CYP27A1: variants seen among roughly 807,000 people sequenced by gnomAD.
CYP27A1 encodes the protein cytochrome P450 family 27 subfamily A member 1.
A neutral mutation model predicts 58.2 loss-of-function variants in CYP27A1; 46 were observed. The ratio of observed to expected loss-of-function variants is 0.79; its 90% CI spans 0.62 to 1.01. The LOEUF (loss-of-function observed/expected upper bound fraction) is 1.01. CYP27A1 is among the 50% of genes least tolerant of loss of function. The pLI is 0.00. For synonymous variants in CYP27A1, 274 were observed against 285.1 expected (o/e 0.96, Z 0.39); for missense variants, 704 against 687.0 (o/e 1.02, Z -0.28).
intron 1 of CYP27A1, among the ~76,000 whole-genome samples, chr2:218,799,091 C>A (rs1461120279): frequency 6.6e-6 from 1 of 152,178 alleles, no homozygotes; most frequent in African/African-American, 2.4e-5. Context: ...GAATTTCCAG[C>A]CTGCCAGCCT....
chr2:218,785,968 C>G (rs1473963388), intron 1 of CYP27A1, among the ~76,000 whole-genome samples: 1 of 152,112 alleles, frequency 6.6e-6, no homozygotes, highest in African/African-American at 2.4e-5. Flanking sequence ...TGTATTTATT[C>G]TAGAGATTCA....
intron 1 of CYP27A1, among the ~76,000 whole-genome samples, chr2:218,801,888 C>T (rs1214961804): frequency 6.6e-6 from 1 of 151,788 alleles, no homozygotes; most frequent in African/African-American, 2.4e-5. Context: ...AGGCAGGTGC[C>T]TGACCAAGGG....
Position 218,814,680 on chromosome 2 carries a change from G to C in CYP27A1, c.1399G>C (p.Val467Leu), listed in dbSNP as rs2105981259. 6.2e-7 allele frequency: 1 copy of C among 1,614,212 alleles called. No homozygotes were observed. Among genetic ancestry groups the C allele is most frequent in the Non-Finnish European group, 8.5e-7 (1 of 1,180,022 alleles). ...TPRIQHPFGS[V>L]PFGYGVRACL... The stretch of plus-strand genomic sequence containing the variant: ...CAGGATCCAGCACCCATTTGGCTCT[G>C]TGCCCTTTGGCTATGGGGTCCGGGC... Residue 467 changes from valine to leucine, a missense_variant, in exon 8 of 9, where the codon GTG becomes CTG. Physicochemically the swap from Val to Leu is conservative, Grantham distance 32. Transcript: ENST00000258415.
chr2:218,813,222 T>A, intron 5 of CYP27A1, 126 bp downstream of exon 5: 1 of 874,706 alleles, frequency 1.1e-6, no homozygotes, highest in South Asian at 1.8e-5. Flanking sequence ...GTAACATGGA[T>A]ACAGCCCTAG....
At chr2:218,786,688 C>A (rs773559020) in intron 1 of CYP27A1, among the ~76,000 whole-genome samples, 1 of 152,134 alleles carries the variant, frequency 6.6e-6, no homozygotes, top group Non-Finnish European at 1.5e-5. Flanking sequence ...GGCTTGGTGA[C>A]CCTTCCTGTG....
At chr2:218,801,568 C>T (rs1262623328) in intron 1 of CYP27A1, among the ~76,000 whole-genome samples, 1 of 151,962 alleles carries the variant, frequency 6.6e-6, no homozygotes, top group Non-Finnish European at 1.5e-5. Context: ...GAATATATAT[C>T]ACAAAGACAT....
chr2:218,794,865 AAG>A (rs956381561), intron 1 of CYP27A1, among the ~76,000 whole-genome samples: 2 of 152,168 alleles, frequency 1.3e-5, no homozygotes, highest in African/African-American at 4.8e-5. Context: ...TCATCTAGAA[AAG>A]AGAGGAGCAG....
chr2:218,795,760 C>T (rs185377509), intron 1 of CYP27A1, among the ~76,000 whole-genome samples: 1 of 152,292 alleles, frequency 6.6e-6, no homozygotes, highest in Non-Finnish European at 1.5e-5. Context: ...CATAATTTCT[C>T]TCTCTCCAGT....
chr2:218,784,284 T>A (rs1943422406), intron 1 of CYP27A1, among the ~76,000 whole-genome samples: 1 of 152,232 alleles, frequency 6.6e-6, no homozygotes, highest in Non-Finnish European at 1.5e-5. Flanking sequence ...GTTGGAACTT[T>A]AAAATATTTT....
intron 8 of CYP27A1, 55 bp from the exon 9 acceptor site, chr2:218,814,856 G>A: frequency 6.2e-7 from 1 of 1,614,092 alleles, no homozygotes; most frequent in African/African-American, 1.3e-5. Flanking sequence ...TGCAGAGCGG[G>A]GAGTGGATGG....
At chr2:218,809,854 G>A (rs1413581819) in intron 2 of CYP27A1, 87 bp downstream of exon 2, 18 of 1,251,542 alleles carry the variant, frequency 1.4e-5, no homozygotes, top group South Asian at 2.7e-5. Flanking sequence ...GTGGATAACC[G>A]GCAGAATAGT....
chr2:218,810,887 C>T (rs984096866), intron 2 of CYP27A1, among the ~76,000 whole-genome samples: 3 of 152,114 alleles, frequency 2.0e-5, no homozygotes, highest in Admixed American at 6.6e-5. Flanking sequence ...GTGGCTCACG[C>T]CTGTAATCCC....
At chr2:218,790,307 C>T (rs1009873980) in intron 1 of CYP27A1, among the ~76,000 whole-genome samples, 3 of 152,134 alleles carry the variant, frequency 2.0e-5, no homozygotes, top group African/African-American at 7.2e-5. Context: ...TGCATGCAAA[C>T]ATTTAAAACT....
At chr2:218,810,590 T>C (rs927120417) in intron 2 of CYP27A1, among the ~76,000 whole-genome samples, 1 of 152,242 alleles carries the variant, frequency 6.6e-6, no homozygotes, top group Admixed American at 6.5e-5. Context: ...TTTTAACATA[T>C]ATATTTTTAA....
At chr2:218,810,110 C>A (rs1943697238) in intron 2 of CYP27A1, among the ~76,000 whole-genome samples, 1 of 152,004 alleles carries the variant, frequency 6.6e-6, no homozygotes, top group South Asian at 2.1e-4. Context: ...GAAACCCCGT[C>A]TCTACTAAAA....
intron 2 of CYP27A1, among the ~76,000 whole-genome samples, chr2:218,811,836 G>C (rs1424129118): frequency 3.3e-5 from 5 of 152,212 alleles, no homozygotes; most frequent in African/African-American, 1.2e-4. Flanking sequence ...CAGGCACTGA[G>C]CTAAGCACTT....
At chr2:218,805,979 C>T in intron 1 of CYP27A1, 1 of 152,166 alleles carries the variant, frequency 6.6e-6, no homozygotes, top group Non-Finnish European at 1.5e-5. Context: ...TACTGACAGC[C>T]AGGAAGTAGT....
rs1943403003 is a variant in CYP27A1 at position 218,782,545 on chromosome 2, G to A, written c.255+108G>A. On this transcript the variant is annotated intron_variant, in intron 1 of 8. Coordinates refer to ENST00000258415, the MANE Select transcript of CYP27A1 (RefSeq NM_000784.4). This position sits in a 1 kb window ranked among gnomAD's most constrained non-coding sequence, Gnocchi z 4.1. The stretch of plus-strand genomic sequence containing the variant: ...AAGTGAAGGCTGCAGGAACTCAGCT[G>A]GGGACCCACTGAGGCTATGGTCATA... The A allele has an allele frequency of 1.4e-6, 2 of 1,411,826 alleles. No homozygotes were observed. The highest frequency in any genetic ancestry group is 2.0e-6 in the Non-Finnish European group (2 of 1,006,644). The allele number at this position is 1,411,826 out of a possible 1,614,324, so 87.5% of individuals were successfully genotyped here. A position where few individuals can be genotyped will look rare whatever the true frequency, so the allele number is the denominator to read the frequency against.
chr2:218,807,927 A>G (rs910562595), intron 1 of CYP27A1, among the ~76,000 whole-genome samples: 1 of 152,098 alleles, frequency 6.6e-6, no homozygotes, highest in African/African-American at 2.4e-5. Context: ...CACTTTCACT[A>G]GTTTCTTATG....
Sources: gnomAD v4.1 joint callset for allele counts (sites outside exome capture counted in the v4.1 genomes callset) on GRCh38, gnomAD v4.1.1 for gene constraint, Gnocchi (gnomAD v3.1) non-coding constraint, MANE v1.5 for transcripts, NCBI Gene and HGNC (gene_info 2026-07-23, HGNC 2026-07-21) for gene names.